The following UGT1A5 variants were observed in gnomAD, a reference collection of about 807,000 sequenced individuals.
UGT1A5 encodes the protein UDP glucuronosyltransferase family 1 member A5, also known as UDP-glucuronosyltransferase 1A5.
UGT1A5 carries 29 observed loss-of-function variants against 40.3 expected under a neutral mutation model. That is an observed-to-expected ratio of 0.72 (90% confidence interval 0.54 to 0.98). UGT1A5 has a LOEUF of 0.98. Ranked by LOEUF, UGT1A5 falls within the 50% of genes least tolerant of loss-of-function variation. The probability of loss-of-function intolerance (pLI) is 0.00; values close to 1 mark genes in which losing one functional copy is unlikely to be tolerated. For missense variants in UGT1A5, 678 were observed against 677.9 expected (o/e 1.00, Z 0.00); for synonymous variants, 257 against 262.5 (o/e 0.98, Z 0.20).
chr2:233,735,427 T>C (rs2078650919), intron 1 of UGT1A5, among the ~76,000 whole-genome samples: 1 of 152,212 alleles, frequency 6.6e-6, no homozygotes, highest in Non-Finnish European at 1.5e-5. Context: ...ATAGGCCTCC[T>C]GAATACAGCA....
chr2:233,748,002 G>T, intron 1 of UGT1A5: 1 of 1,613,500 alleles, frequency 6.2e-7, no homozygotes, highest in Non-Finnish European at 8.5e-7. Context: ...CTTTGTGATG[G>T]ATTACCCCAG....
At chr2:233,729,044 T>G (rs1356759266) in intron 1 of UGT1A5, 1 of 1,607,146 alleles carries the variant, frequency 6.2e-7, no homozygotes, top group East Asian at 2.2e-5. Context: ...AGTGGCTCAG[T>G]GACAAGGTAA....
intron 1 of UGT1A5, among the ~76,000 whole-genome samples, chr2:233,737,056 C>T (rs372490869): frequency 3.3e-5 from 5 of 152,206 alleles, no homozygotes; most frequent in South Asian, 2.1e-4. Context: ...ACTAGGAGAA[C>T]GAGTGCTCTC....
chr2:233,714,180 C>T (rs1425005373), intron 1 of UGT1A5, among the ~76,000 whole-genome samples: 1 of 152,158 alleles, frequency 6.6e-6, no homozygotes, highest in Non-Finnish European at 1.5e-5. Flanking sequence ...TGGGCAGGAG[C>T]AGGGACACTA....
At chr2:233,717,239 G>T (rs28898607) in intron 1 of UGT1A5, among the ~76,000 whole-genome samples, 1 of 152,308 alleles carries the variant, frequency 6.6e-6, no homozygotes, top group East Asian at 1.9e-4. Flanking sequence ...TTAAGATGCA[G>T]ACAGTTTTAA....
intron 1 of UGT1A5, among the ~76,000 whole-genome samples, chr2:233,738,129 C>A (rs546300449): frequency 1.3e-3 from 203 of 152,182 alleles, no homozygotes; most frequent in African/African-American, 4.7e-3. Flanking sequence ...TATAAGGGGC[C>A]CTTATCCCTT....
chr2:233,727,261 C>T (rs1322887481), intron 1 of UGT1A5, among the ~76,000 whole-genome samples: 2 of 152,146 alleles, frequency 1.3e-5, no homozygotes, highest in African/African-American at 4.8e-5. Flanking sequence ...GCCCAGACCC[C>T]TCCTCATCTC....
At chr2:233,747,891 C>G (rs562741642) in intron 1 of UGT1A5, 201 of 1,612,980 alleles carry the variant, frequency 1.2e-4, no homozygotes, top group East Asian at 4.9e-4. Context: ...TTGCCATGCT[C>G]TTTCTGCTCC....
intron 1 of UGT1A5, chr2:233,743,520 G>C (rs759007678): frequency 7.3e-7 from 1 of 1,367,248 alleles, no homozygotes; most frequent in South Asian, 1.1e-5. Context: ...CTCTGCTTCT[G>C]CTTCCCCAGC....
In UGT1A5 at chr2:233,747,595, G is replaced by C. The variant is rs188498977; in HGVS notation, c.868-19439G>C. The C allele has an allele frequency of 1.4e-3, 2,167 of 1,576,574 alleles. 6 individuals are homozygous for C. Among genetic ancestry groups the C allele is most frequent in the Non-Finnish European group, 1.7e-3 (1,986 of 1,146,462 alleles). On this transcript the variant is annotated intron_variant, in intron 1 of 4. Transcript: ENST00000373414. ...TCATCTTTGGTCTTTCATAGGTCTT[G>C]TGTGGAGCTACTGCATAATGAGGCC...
intron 1 of UGT1A5, among the ~76,000 whole-genome samples, chr2:233,716,508 C>T (rs1254652307): frequency 6.6e-6 from 1 of 152,162 alleles, no homozygotes; most frequent in African/African-American, 2.4e-5. Context: ...GGCTTCAGAG[C>T]TCTCAGCTTA....
chr2:233,719,298 G>A (rs1399021133), intron 1 of UGT1A5: 3 of 1,613,874 alleles, frequency 1.9e-6, no homozygotes, highest in Non-Finnish European at 2.5e-6. Flanking sequence ...CTGTGGGGCG[G>A]TGCTGGCTAA....
rs114514275 is a variant in UGT1A5 at position 233,742,148 on chromosome 2, C to T, written c.868-24886C>T. On this transcript the variant is annotated intron_variant, in intron 1 of 4. Transcript: ENST00000373414. ...GAGACCCTAACCCAGCAGCGCTAGA[C>T]GAATTAAAGACACACACACAGAAAT... 2.7e-3 allele frequency among the ~76,000 whole-genome samples: 409 copies of T among 151,916 alleles called. 4 individuals carry two copies. Among genetic ancestry groups the T allele is most frequent in the Middle Eastern group, 6.8e-3 (2 of 294 alleles).
intron 1 of UGT1A5, chr2:233,729,151 C>T (rs780105483): frequency 1.2e-6 from 2 of 1,613,562 alleles, no homozygotes; most frequent in Non-Finnish European, 1.7e-6. Flanking sequence ...CCAGGTTCCC[C>T]TGCCGTGGCT....
At chr2:233,747,492 C>G (rs1313970709) in intron 1 of UGT1A5, 21 of 1,608,406 alleles carry the variant, frequency 1.3e-5, no homozygotes, top group Non-Finnish European at 1.7e-5. Context: ...TCGCCTTGTG[C>G]TGGGCCACAC....
intron 1 of UGT1A5, among the ~76,000 whole-genome samples, chr2:233,734,500 T>C (rs1353975752): frequency 6.6e-6 from 1 of 152,210 alleles, no homozygotes; most frequent in Non-Finnish European, 1.5e-5. Context: ...GGTTTTTTTG[T>C]GTCTCTATCT....
chr2:233,755,298 C>T (rs1354075673), intron 1 of UGT1A5: 3 of 620,036 alleles, frequency 4.8e-6, no homozygotes, highest in Non-Finnish European at 7.5e-6. Context: ...CTGCGGGGCA[C>T]TGGCACAGCG....
At chr2:233,752,219 T>C (rs897315678) in intron 1 of UGT1A5, 28 of 152,194 alleles carry the variant, frequency 1.8e-4, no homozygotes, top group African/African-American at 6.0e-4. Context: ...AGAAAAAATA[T>C]CTGGCATTTT....
intron 1 of UGT1A5, chr2:233,719,277 C>T (rs1231059652): frequency 6.2e-7 from 1 of 1,614,052 alleles, no homozygotes; most frequent in Admixed American, 1.7e-5. Context: ...TTTAACAGAC[C>T]CCGTTAACCT....
Sources: gnomAD v4.1 joint callset for allele counts (sites outside exome capture counted in the v4.1 genomes callset) on GRCh38, gnomAD v4.1.1 for gene constraint, MANE v1.5 for transcripts, NCBI Gene and HGNC (gene_info 2026-07-23, HGNC 2026-07-21) for gene names.